PHF8: variants seen among roughly 807,000 people sequenced by gnomAD.
PHF8 encodes histone lysine demethylase PHF8.
In PHF8, 9 loss-of-function variants were observed where a neutral mutation model predicts 74.4. That is an observed-to-expected ratio of 0.12 (90% CI 0.07 to 0.21). The LOEUF (loss-of-function observed/expected upper bound fraction) is 0.21. Ranked by LOEUF, PHF8 falls within the 10% of genes least tolerant of loss-of-function variation. PHF8 has a pLI of 1.00. For missense variants in PHF8, 478 were observed against 816.6 expected, an observed-to-expected ratio of 0.59 and a Z score of 5.05; for synonymous variants, 311 against 316.6, an observed-to-expected ratio of 0.98 and a Z score of 0.19.
intron 19 of PHF8, among the ~76,000 whole-genome samples, chrX:53,960,321 C>G (rs1343718262): frequency 1.8e-5 from 2 of 108,281 alleles, no homozygotes; most frequent in South Asian, 8.5e-4. Flanking sequence ...GTGATCCACC[C>G]GCCTCGGCCT....
intron 16 of PHF8, among the ~76,000 whole-genome samples, chrX:53,986,633 C>CTT (rs1418012281): frequency 1.8e-5 from 2 of 112,325 alleles, no homozygotes; most frequent in African/African-American, 3.2e-5. Flanking sequence ...GGCACACAAT[C>CTT]TTTCACTTAA....
chrX:54,005,622 T>TAAAAAAAAA (rs782521734), intron 8 of PHF8, among the ~76,000 whole-genome samples: 1 of 67,383 alleles, frequency 1.5e-5, no homozygotes, highest in African/African-American at 5.5e-5. Context: ...GCAGAAAACT[T>TAAAAAAAAA]AAAAAAAAAA....
chrX:54,033,251 ATTAT>A (rs2066392184), intron 2 of PHF8, among the ~76,000 whole-genome samples: 4 of 111,842 alleles, frequency 3.6e-5, no homozygotes, highest in Non-Finnish European at 7.5e-5. Flanking sequence ...AATTAAAATA[ATTAT>A]TTGTCATACC....
chrX:54,043,896 C>T lies in PHF8; in HGVS notation c.-227G>A. On this transcript the variant is annotated 5_prime_UTR_variant, in exon 1 of 22. Transcript: ENST00000338154. ...AGGACTCCACGCCCGCGGAGCTCAG[C>T]CCCAGCGACACGCCGGCAGCCGGGC... 1 of 754,322 alleles carries T rather than the reference C, an allele frequency of 1.3e-6. No individual in the cohort carries two copies. The highest frequency in any genetic ancestry group is 1.5e-4 in the East Asian group (1 of 6,680). The allele number at this position is 754,322 out of a possible 1,213,427, so 62.2% of individuals were successfully genotyped here. A position where few individuals can be genotyped will look rare whatever the true frequency, so the allele number is the denominator to read the frequency against.
chrX:53,966,184 T>TA (rs1207317857), intron 18 of PHF8, among the ~76,000 whole-genome samples: 1 of 111,704 alleles, frequency 9.0e-6, no homozygotes, highest in Non-Finnish European at 1.9e-5. Flanking sequence ...TTTCCATTAA[T>TA]AAAAGTGAAA....
chrX:54,022,219 G>T, intron 4 of PHF8, 40 bp downstream of exon 4: 1 of 795,978 alleles, frequency 1.3e-6, no homozygotes, highest in Non-Finnish European at 1.9e-6. Flanking sequence ...GCTTCCCAGA[G>T]CCCTGGCATT....
intron 19 of PHF8, among the ~76,000 whole-genome samples, chrX:53,955,557 CTTTTTTTTTTTTT>C (rs369969712): frequency 1.4e-5 from 1 of 72,994 alleles, no homozygotes; most frequent in Non-Finnish European, 2.5e-5. Flanking sequence ...CTCTTCTTTT[CTTTTTTTTTTTTT>C]TTTTTTTAAT....
Position 54,016,598 on chromosome X carries a change from G to C in PHF8, c.593C>G (p.Thr198Ser). ...LNVISLEFSDTRLSNLVETPK... is the reference protein window; with the variant it reads ...LNVISLEFSDSRLSNLVETPK... ...TTGTTATTCCTGCACCTCTTACCTG[G>C]TATCAGAGAATTCCAAACTAATGAC... Residue 198 changes from threonine to serine, a missense_variant, in exon 6 of 22, where the codon ACC (threonine) becomes AGC (serine). This residue lies in a region of PHF8 where 70 missense variants were observed against 234.1 expected (regional missense o/e 0.30). Transcript: ENST00000338154. 1.7e-6 allele frequency: 2 copies of C among 1,204,784 alleles called. No individual in the cohort carries two copies. Among genetic ancestry groups the C allele is most frequent in the Non-Finnish European group, 2.2e-6 (2 of 890,235 alleles).
chrX:54,009,971 T>C (rs2065959077), intron 8 of PHF8, among the ~76,000 whole-genome samples: 1 of 102,103 alleles, frequency 9.8e-6, no homozygotes, highest in Admixed American at 1.1e-4. Context: ...ACGTCAGGAA[T>C]GATACAAAGA....
Position 54,022,279 on chromosome X carries a change from G to A in PHF8, c.273C>T (p.Leu91=), listed in dbSNP as rs371033930. 8.4e-7 allele frequency: 1 copy of A among 1,187,462 alleles called. No homozygotes were observed. The highest frequency in any genetic ancestry group is 1.8e-5 in the South Asian group (1 of 56,395). ...CTCACCTGTCAAAAGTCCTACTCCG[G>A]AGCTCTCTGACGAACGTAGGGCTCC... ...KTGSPTFVRE[L]RSRTFDSSDE... The change falls in exon 4 of 22, where the codon CTC becomes CTT. Residue 91 remains leucine (L), a synonymous_variant. Coordinates refer to ENST00000338154, the MANE Select transcript of PHF8 (RefSeq NM_015107.3).
At chrX:53,981,477 A>T (rs1557097978) in intron 18 of PHF8, among the ~76,000 whole-genome samples, 1 of 111,827 alleles carries the variant, frequency 8.9e-6, no homozygotes, top group African/African-American at 3.2e-5. Flanking sequence ...TACCTGACAG[A>T]GCAGATAAAG....
intron 20 of PHF8, chrX:53,943,005 C>T (rs2064776440): frequency 1.3e-6 from 1 of 767,407 alleles, no homozygotes; most frequent in South Asian, 6.8e-5. Flanking sequence ...CTGGCCCCTA[C>T]CAGAAGCTTA....
chrX:53,996,965 A>C (rs2065759295), intron 11 of PHF8, among the ~76,000 whole-genome samples: 1 of 112,801 alleles, frequency 8.9e-6, no homozygotes, highest in African/African-American at 3.2e-5. Context: ...CTGGACTTAA[A>C]AAGCAAAACT....
At chrX:54,007,906 T>A (rs2065920042) in intron 8 of PHF8, among the ~76,000 whole-genome samples, 1 of 111,824 alleles carries the variant, frequency 8.9e-6, no homozygotes, top group South Asian at 3.7e-4. Context: ...CCTAGATATA[T>A]ACCCAAGAGA....
intron 6 of PHF8, among the ~76,000 whole-genome samples, chrX:54,014,867 G>A (rs781863418): frequency 3.6e-5 from 4 of 111,792 alleles, no homozygotes; most frequent in Admixed American, 1.9e-4. Context: ...TTGGCATGTG[G>A]ATTATAGAAG....
chrX:53,949,814 A>C (rs1193864911), intron 19 of PHF8, among the ~76,000 whole-genome samples: 1 of 105,513 alleles, frequency 9.5e-6, no homozygotes, highest in Non-Finnish European at 1.9e-5. Flanking sequence ...TCCGTCTCAA[A>C]AAAAAAAAAA....
intron 14 of PHF8, among the ~76,000 whole-genome samples, chrX:53,988,998 G>A (rs1394359357): frequency 1.0e-5 from 1 of 100,247 alleles, no homozygotes; most frequent in African/African-American, 3.7e-5. Context: ...GTCTTGCTCT[G>A]TCGCCCAGGC....
In PHF8 at chrX:54,043,808, A is replaced by C; in HGVS notation, c.-139T>G. The C allele has an allele frequency of 1.3e-6, 1 of 753,865 alleles. No individual in the cohort carries two copies. Among genetic ancestry groups the C allele is most frequent in the Non-Finnish European group, 1.6e-6 (1 of 638,771 alleles). 62.1% of individuals were successfully genotyped at this position (753,865 alleles called of 1,213,427 possible). On this transcript the variant is annotated 5_prime_UTR_variant, in exon 1 of 22. Coordinates refer to ENST00000338154, the MANE Select transcript of PHF8 (RefSeq NM_015107.3). ...ACTGACAGGAACCTCCTCACGCCCC[A>C]AACCTGACAAGAACGTCTTCAGTCC...
At chrX:53,989,456 T>C (rs956662582) in intron 14 of PHF8, among the ~76,000 whole-genome samples, 5 of 103,025 alleles carry the variant, frequency 4.9e-5, no homozygotes, top group African/African-American at 1.8e-4. Context: ...ACATAGTAGA[T>C]GATATTAACC....
Sources: allele counts gnomAD v4.1 joint callset (sites outside exome capture counted in the v4.1 genomes callset), GRCh38; gene constraint gnomAD v4.1.1; regional missense constraint gnomAD v4.1.1; transcripts MANE v1.5; gene names NCBI Gene and HGNC (gene_info 2026-07-23, HGNC 2026-07-21).